The following DNAAF4 variants were observed in gnomAD, a reference collection of about 807,000 sequenced individuals.
DNAAF4 encodes the protein dynein assembly factor 4, axonemal.
DNAAF4 carries 43 observed loss-of-function variants against 51.8 expected under a neutral mutation model. That is an observed-to-expected ratio of 0.83 (90% confidence interval 0.65 to 1.07). The LOEUF is 1.07. Among genes scored for constraint, DNAAF4 ranks in the 50% least tolerant of loss-of-function variants. The pLI, the probability that DNAAF4 is intolerant of heterozygous loss-of-function variation, is 0.00. For missense variants in DNAAF4, 581 were observed against 493.0 expected (o/e 1.18, Z -1.69); for synonymous variants, 194 against 165.6 (o/e 1.17, Z -1.32).
chr15:55,434,002 T>TA (rs2057566186), intron 8 of DNAAF4, among the ~76,000 whole-genome samples: 1 of 63,662 alleles, frequency 1.6e-5, no homozygotes, highest in Non-Finnish European at 3.1e-5. Context: ...TATAATATTA[T>TA]ATATATTATA....
intron 6 of DNAAF4, among the ~76,000 whole-genome samples, chr15:55,449,008 G>C (rs1386769047): frequency 7.9e-6 from 1 of 126,286 alleles, no homozygotes; most frequent in African/African-American, 3.0e-5. Context: ...TTTTTTTTTT[G>C]AGACAGAGTT....
At chr15:55,472,188 T>G (rs1336134818) in intron 4 of DNAAF4, among the ~76,000 whole-genome samples, 7 of 152,158 alleles carry the variant, frequency 4.6e-5, no homozygotes, top group Non-Finnish European at 1.0e-4. Flanking sequence ...AACACACAAT[T>G]TAACACAGAC....
chr15:55,432,688 G>A (rs1188595199), intron 8 of DNAAF4, 86 bp from the exon 9 acceptor site: 6 of 1,228,182 alleles, frequency 4.9e-6, no homozygotes, highest in Admixed American at 2.1e-5. Flanking sequence ...GCTCACGCCT[G>A]TAATCCCAAC....
At chr15:55,482,058 G>A (rs1276790226) in intron 4 of DNAAF4, among the ~76,000 whole-genome samples, 6 of 152,188 alleles carry the variant, frequency 3.9e-5, no homozygotes, top group Admixed American at 1.3e-4. Context: ...GCTTGAGCCC[G>A]CTTACACTCT....
chr15:55,426,280 C>T (rs775919347), downstream of DNAAF4, among the ~76,000 whole-genome samples: 18 of 152,114 alleles, frequency 1.2e-4, no homozygotes, highest in Non-Finnish European at 2.5e-4. Context: ...TTGTAACTTC[C>T]AACGGCATGA....
chr15:55,465,839 T>C (rs2058163878), intron 5 of DNAAF4, among the ~76,000 whole-genome samples: 2 of 152,114 alleles, frequency 1.3e-5, no homozygotes, highest in Admixed American at 1.3e-4. Flanking sequence ...GTGTTAGGAT[T>C]ACAGGCATGA....
downstream of DNAAF4, among the ~76,000 whole-genome samples, chr15:55,427,854 C>A (rs559595297): frequency 6.6e-6 from 1 of 151,830 alleles, no homozygotes; most frequent in African/African-American, 2.4e-5. Context: ...AGGCTGGTCT[C>A]GAACTCCCGA....
chr15:55,453,756 T>A (rs2057974292), intron 5 of DNAAF4, among the ~76,000 whole-genome samples: 1 of 151,826 alleles, frequency 6.6e-6, no homozygotes. Context: ...TTCACCGGGT[T>A]AGCCAGGATG....
chr15:55,470,557 T>A (rs1463526278), intron 4 of DNAAF4, among the ~76,000 whole-genome samples: 2 of 151,526 alleles, frequency 1.3e-5, no homozygotes, highest in African/African-American at 4.9e-5. Context: ...TTTTTTTTTT[T>A]TTTAGACAGG....
intron 4 of DNAAF4, among the ~76,000 whole-genome samples, chr15:55,471,793 G>A (rs1199980907): frequency 6.6e-6 from 1 of 151,952 alleles, no homozygotes; most frequent in African/African-American, 2.4e-5. Flanking sequence ...GATTACAGGC[G>A]TGAGCCACCA....
At chr15:55,503,609 G>T (rs1179132789) in intron 1 of DNAAF4, among the ~76,000 whole-genome samples, 2 of 152,122 alleles carry the variant, frequency 1.3e-5, no homozygotes, top group Non-Finnish European at 2.9e-5. Context: ...GGGATGTAAG[G>T]CTGGTTCAAT....
intron 2 of DNAAF4, 102 bp from the exon 3 acceptor site, chr15:55,497,961 C>T: frequency 6.9e-7 from 1 of 1,459,622 alleles, no homozygotes; most frequent in African/African-American, 1.4e-5. Flanking sequence ...AAAAGGCCCA[C>T]TAAATTTATG....
chr15:55,501,134 G>A (rs2058695435), intron 1 of DNAAF4, among the ~76,000 whole-genome samples: 1 of 151,290 alleles, frequency 6.6e-6, no homozygotes, highest in Non-Finnish European at 1.5e-5. Flanking sequence ...CGCGATCTCG[G>A]CTCACTGCAA....
intron 5 of DNAAF4, among the ~76,000 whole-genome samples, chr15:55,457,918 G>T (rs1450963424): frequency 6.6e-6 from 1 of 152,144 alleles, no homozygotes; most frequent in African/African-American, 2.4e-5. Flanking sequence ...CAACTGGGTG[G>T]CTAGAAATAG....
At chr15:55,426,338 A>G (rs1192499601), downstream of DNAAF4, among the ~76,000 whole-genome samples, 1 of 152,204 alleles carries the variant, frequency 6.6e-6, no homozygotes, top group African/African-American at 2.4e-5. Flanking sequence ...TTAGTCCTAC[A>G]AAGGCAGTCT....
At position 55,497,095 on chromosome 15, in the gene DNAAF4, A is replaced by C. The variant is rs574435484; in HGVS notation, c.271+617T>G. On this transcript the variant is annotated intron_variant, in intron 3 of 9. Transcript: ENST00000321149. ...TTCCTAAAAATCATTTCCTGTTCTAAGCGGCCTACATCCCCTCCCCCTTCC... is the reference window on the plus strand; with the variant it reads ...TTCCTAAAAATCATTTCCTGTTCTACGCGGCCTACATCCCCTCCCCCTTCC... Among the ~76,000 whole-genome samples the C allele has an allele frequency of 1.4e-4, 21 of 152,232 alleles. No homozygotes were observed. The South Asian group carries it at 4.3e-3, about 32-fold the overall frequency.
chr15:55,430,649 C>T lies in DNAAF4; in HGVS notation c.*21G>A, dbSNP rs2057477580. The T allele has an allele frequency of 6.2e-7, 1 of 1,605,434 alleles. No homozygotes were observed. On this transcript the variant is annotated 3_prime_UTR_variant, in exon 10 of 10. Coordinates refer to ENST00000321149, the MANE Select transcript of DNAAF4 (RefSeq NM_130810.4). ...TGTTTTTAAAAAACTTATAACAATA[C>T]TTAGTTACTTCTAATAGTCATTAAG...
At chr15:55,491,750 T>C (rs1161415780) in intron 3 of DNAAF4, among the ~76,000 whole-genome samples, 1 of 141,746 alleles carries the variant, frequency 7.1e-6, no homozygotes, top group African/African-American at 2.6e-5. Flanking sequence ...TAATATTATA[T>C]TATAATAGTA....
rs571120381 is a variant in DNAAF4 at position 55,488,139 on chromosome 15, G to A, written c.405+2984C>T. On this transcript the variant is annotated intron_variant, in intron 4 of 9. Transcript: ENST00000321149. ...CTTTTTCTTTTTTTTTTTTTGCTGC[G>A]TAAGAGCGCAGCAAGAAGGCCCCAA... Among the ~76,000 whole-genome samples, 22 of 147,406 alleles carry A rather than the reference G, an allele frequency of 1.5e-4. No homozygotes were observed. The South Asian group carries it at 1.9e-3, about 13-fold the overall frequency.
Sources: gnomAD v4.1 joint callset for allele counts (sites outside exome capture counted in the v4.1 genomes callset) on GRCh38, gnomAD v4.1.1 for gene constraint, MANE v1.5 for transcripts, NCBI Gene and HGNC (gene_info 2026-07-23, HGNC 2026-07-21) for gene names.